ADAR: variants seen among roughly 807,000 people sequenced by gnomAD.
ADAR encodes adenosine deaminase RNA specific, also known as double-stranded RNA-specific adenosine deaminase.
In ADAR, 41 loss-of-function variants were observed where a neutral mutation model predicts 113.2. The observed-to-expected ratio is 0.36, with a 90% confidence interval of 0.28 to 0.47. The LOEUF (loss-of-function observed/expected upper bound fraction) is 0.47, where lower values mean the gene tolerates loss of function less well. Ranked by LOEUF, ADAR falls within the 20% of genes least tolerant of loss-of-function variation. ADAR has a pLI of 1.00. For missense variants in ADAR, 1,242 were observed against 1,540.9 expected (o/e 0.81, Z 3.25); for synonymous variants, 605 against 572.6 (o/e 1.06, Z -0.81).
At chr1:154,589,340 A>AGG (rs751835868) in intron 9 of ADAR, 29 bp downstream of exon 9, 1 of 1,589,800 alleles carries the variant, frequency 6.3e-7, no homozygotes. Flanking sequence ...ACAGCCGGGC[A>AGG]GCCGGGCCAC....
At position 154,608,030 on chromosome 1, in the gene ADAR, C is replaced by T. The variant is rs937502135; in HGVS notation, c.-24G>A. ...ATTGCGCCCGCGAGGCATTGCCCGG[C>T]CCGACCCGCCGGCGGCACGACCCTG... On this transcript the variant is annotated 5_prime_UTR_variant, in exon 1 of 15. Transcript: ENST00000368474. The T allele has an allele frequency of 2.5e-6, 4 of 1,570,846 alleles. No individual in the cohort carries two copies. Among genetic ancestry groups the T allele is most frequent in the African/African-American group, 2.7e-5 (2 of 73,628 alleles).
upstream of ADAR, among the ~76,000 whole-genome samples, chr1:154,613,001 C>T (rs1323410193): frequency 4.6e-5 from 7 of 151,440 alleles, no homozygotes; most frequent in Admixed American, 6.6e-5. Context: ...TTAGTAGAGA[C>T]GGCGTTTCAC....
rs1696588333 is a variant in ADAR at position 154,584,165 on chromosome 1, G to A, written c.*641C>T. 6.6e-6 allele frequency: 1 copy of A among 152,464 alleles called. No individual in the cohort carries two copies. Among genetic ancestry groups the A allele is most frequent in the African/African-American group, 2.4e-5 (1 of 41,454 alleles). The allele number at this position is 152,464 out of a possible 1,614,324, so 9.4% of individuals were successfully genotyped here. On this transcript the variant is annotated 3_prime_UTR_variant, in exon 15 of 15. Coordinates refer to ENST00000368474, the MANE Select transcript of ADAR (RefSeq NM_001111.5). ...CTTGCCCGCCCTGCAGCTGGCTAAA[G>A]TGCAGGATGGGAGGATGGCTGGGCA...
chr1:154,584,953 C>T lies in ADAR; in HGVS notation c.3534G>A (p.Leu1178=). 3.7e-6 allele frequency: 6 copies of T among 1,614,178 alleles called. No individual in the cohort carries two copies. Among genetic ancestry groups the T allele is most frequent in the Non-Finnish European group, 5.1e-6 (6 of 1,180,044 alleles). The stretch of plus-strand genomic sequence containing the variant: ...TCTTGGCCTCACCATAGGAGAGTCT[C>T]AGTAGATCCCTGCGGTAACGGAAGG... ...LCSFRYRRDL[L]RLSYGEAKKA... Residue 1178 remains leucine (L), a synonymous_variant, in exon 15 of 15, where the codon CTG becomes CTA. Transcript: ENST00000368474.
At chr1:154,621,631 A>T (rs1698794284) in intron 1 of ADAR, among the ~76,000 whole-genome samples, 1 of 152,256 alleles carries the variant, frequency 6.6e-6, no homozygotes, top group South Asian at 2.1e-4. Flanking sequence ...CAATTATAAT[A>T]AAAAATGCAA....
At chr1:154,624,006 T>A (rs1334631726) in intron 1 of ADAR, among the ~76,000 whole-genome samples, 1 of 140,154 alleles carries the variant, frequency 7.1e-6, no homozygotes, top group African/African-American at 2.7e-5. Context: ...CGAGCAAGAC[T>A]CCATCTCAAA....
At chr1:154,622,256 C>G (rs1454284252) in intron 1 of ADAR, among the ~76,000 whole-genome samples, 1 of 152,162 alleles carries the variant, frequency 6.6e-6, no homozygotes, top group Non-Finnish European at 1.5e-5. Context: ...TATTTACTAG[C>G]TATGGCTGTA....
intron 6 of ADAR, among the ~76,000 whole-genome samples, chr1:154,591,421 C>T (rs1445852388): frequency 6.6e-6 from 1 of 152,200 alleles, no homozygotes; most frequent in Non-Finnish European, 1.5e-5. Context: ...GGCCAGGGAC[C>T]CAGGTTTTGC....
chr1:154,627,914 A>AGCCTCCC, exon 1 of ADAR: 1 of 463,278 alleles, frequency 2.2e-6, no homozygotes, highest in Non-Finnish European at 4.2e-6. Context: ...TGCGGCCGCG[A>AGCCTCCC]CCCTCCCCCC....
upstream of ADAR, among the ~76,000 whole-genome samples, chr1:154,608,492 C>CTTTTGTTTTTT (rs1698350285): frequency 1.5e-5 from 1 of 65,762 alleles, no homozygotes; most frequent in Non-Finnish European, 2.7e-5. Flanking sequence ...TCACTCCTGG[C>CTTTTGTTTTTT]TTTTTTTTTT....
chr1:154,615,733 A>G (rs1261591631), intron 1 of ADAR, among the ~76,000 whole-genome samples: 1 of 152,204 alleles, frequency 6.6e-6, no homozygotes, highest in Non-Finnish European at 1.5e-5. Context: ...AGTTAAGCCA[A>G]ACAGTACAGC....
At chr1:154,616,357 C>T (rs536899445) in intron 1 of ADAR, among the ~76,000 whole-genome samples, 9 of 152,320 alleles carry the variant, frequency 5.9e-5, no homozygotes, top group African/African-American at 2.2e-4. Context: ...CTTCTCCCTT[C>T]TGTTGGACCA....
upstream of ADAR, among the ~76,000 whole-genome samples, chr1:154,611,520 A>C (rs534052173): frequency 6.6e-6 from 1 of 152,236 alleles, no homozygotes; most frequent in East Asian, 1.9e-4. Context: ...GAAAGTCTTT[A>C]AAAAAATTAA....
chr1:154,607,192 T>C (rs184166137), intron 1 of ADAR, among the ~76,000 whole-genome samples: 100 of 152,188 alleles, frequency 6.6e-4, no homozygotes, highest in African/African-American at 2.4e-3. Flanking sequence ...CAGAATGTCA[T>C]ATAAATGGAC....
intron 8 of ADAR, 47 bp from the exon 9 acceptor site, chr1:154,589,509 T>C (rs768892246): frequency 6.6e-7 from 1 of 1,524,354 alleles, no homozygotes; most frequent in South Asian, 1.1e-5. Flanking sequence ...AGGAAACCGA[T>C]GGAAAACAGG....
intron 1 of ADAR, among the ~76,000 whole-genome samples, chr1:154,625,348 C>A (rs1204479277): frequency 2.0e-5 from 3 of 152,066 alleles, no homozygotes; most frequent in African/African-American, 7.2e-5. Flanking sequence ...AGGGCAAGAG[C>A]AAGACTTGCT....
intron 1 of ADAR, among the ~76,000 whole-genome samples, chr1:154,626,785 T>C (rs551028273): frequency 6.6e-6 from 1 of 152,372 alleles, no homozygotes; most frequent in South Asian, 2.1e-4. Flanking sequence ...GTGGCAGACC[T>C]GACTCCAAAG....
In ADAR at chr1:154,602,478, G is replaced by A. The variant is rs187076847; in HGVS notation, c.164C>T (p.Pro55Leu). ...TGACGGTGTCTGCTTTCCAATCACC[G>A]GTGCTTCTGGGAGCTGCCCCTTGAG... ...EFLKGQLPEA[P>L]VIGKQTPSLP... Residue 55 changes from proline (P) to leucine (L), a missense_variant, in exon 2 of 15, where the codon CCG becomes CTG. Around this residue, in one of 2 missense-constraint regions of ADAR, gnomAD observed 462 missense variants for 483.1 expected, o/e 0.96. Transcript: ENST00000368474. 4.2e-5 allele frequency: 68 copies of A among 1,614,114 alleles called. No individual in the cohort carries two copies. Among genetic ancestry groups the A allele is most frequent in the Admixed American group, 3.0e-4 (18 of 60,024 alleles).
intron 3 of ADAR, 109 bp from the exon 4 acceptor site, chr1:154,598,085 G>T: frequency 7.3e-7 from 1 of 1,362,622 alleles, no homozygotes; most frequent in Non-Finnish European, 1.0e-6. Context: ...CCTGTCAAGG[G>T]GTTGGCTTCC....
Sources: allele counts gnomAD v4.1 joint callset (sites outside exome capture counted in the v4.1 genomes callset), GRCh38; gene constraint gnomAD v4.1.1; regional missense constraint gnomAD v4.1.1; transcripts MANE v1.5; gene names NCBI Gene and HGNC (gene_info 2026-07-23, HGNC 2026-07-21).